The following IPCEF1 variants were observed in gnomAD, a reference collection of about 807,000 sequenced individuals.
The protein encoded by IPCEF1 is interaction protein for cytohesin exchange factors 1, also known as interactor protein for cytohesin exchange factors 1.
Under a neutral mutation model 50.9 loss-of-function variants are expected in IPCEF1, and 31 were observed. The ratio of observed to expected loss-of-function variants is 0.61; its 90% CI spans 0.46 to 0.82. The LOEUF (loss-of-function observed/expected upper bound fraction) is 0.82, where lower values mean the gene tolerates loss of function less well. Among genes scored for constraint, IPCEF1 ranks in the 40% least tolerant of loss-of-function variants. The probability of loss-of-function intolerance (pLI) is 0.00; values close to 1 mark genes in which losing one functional copy is unlikely to be tolerated. For synonymous variants in IPCEF1, 181 were observed against 192.0 expected (o/e 0.94, Z 0.47); for missense variants, 458 against 514.0 (o/e 0.89, Z 1.05).
At chr6:154,180,651 A>G (rs1006204265) in intron 10 of IPCEF1, among the ~76,000 whole-genome samples, 1 of 152,030 alleles carries the variant, frequency 6.6e-6, no homozygotes, top group Non-Finnish European at 1.5e-5. Context: ...TTTAAATGCT[A>G]TATTTTCAAC....
At chr6:154,173,717 G>T (rs988705300) in intron 10 of IPCEF1, among the ~76,000 whole-genome samples, 2 of 152,180 alleles carry the variant, frequency 1.3e-5, no homozygotes, top group Non-Finnish European at 2.9e-5. Context: ...GAAAGTGACG[G>T]GGAGAATGGG....
intron 3 of IPCEF1, among the ~76,000 whole-genome samples, chr6:154,254,391 A>G (rs1227803852): frequency 6.6e-6 from 1 of 152,200 alleles, no homozygotes; most frequent in Non-Finnish European, 1.5e-5. Flanking sequence ...CACGTCTTAC[A>G]TGGCAGCAGG....
intron 1 of IPCEF1, among the ~76,000 whole-genome samples, chr6:154,329,437 A>C (rs999910022): frequency 2.0e-5 from 3 of 152,010 alleles, no homozygotes; most frequent in Admixed American, 1.3e-4. Context: ...CTCTACAAAA[A>C]ATAAAAAAAA....
chr6:154,229,175 A>G (rs540495524), intron 5 of IPCEF1, among the ~76,000 whole-genome samples: 92 of 152,312 alleles, frequency 6.0e-4, no homozygotes, highest in Admixed American at 9.8e-4. Context: ...GATTGTGAGT[A>G]CCTTGAAGGA....
At chr6:154,243,546 C>T (rs1202719701) in intron 5 of IPCEF1, among the ~76,000 whole-genome samples, 2 of 152,190 alleles carry the variant, frequency 1.3e-5, no homozygotes. Flanking sequence ...CAGGCAGTGT[C>T]AGGCAATGAC....
intron 7 of IPCEF1, among the ~76,000 whole-genome samples, chr6:154,219,537 C>T (rs1312377403): frequency 1.3e-5 from 2 of 152,146 alleles, no homozygotes; most frequent in African/African-American, 4.8e-5. Context: ...ACCTCACTAT[C>T]ACAGGGCTCC....
At chr6:154,277,119 A>T (rs1782082573) in intron 2 of IPCEF1, among the ~76,000 whole-genome samples, 1 of 152,200 alleles carries the variant, frequency 6.6e-6, no homozygotes, top group Non-Finnish European at 1.5e-5. Context: ...GAAACTATGA[A>T]GGGCTCACGT....
chr6:154,287,202 G>C (rs186824136), intron 2 of IPCEF1, among the ~76,000 whole-genome samples: 1 of 151,154 alleles, frequency 6.6e-6, no homozygotes, highest in African/African-American at 2.4e-5. Context: ...TCTGCTATGT[G>C]AAGATTGTGC....
chr6:154,290,949 G>A (rs1035601769), intron 1 of IPCEF1, among the ~76,000 whole-genome samples: 1 of 146,678 alleles, frequency 6.8e-6, no homozygotes, highest in Non-Finnish European at 1.5e-5. Context: ...GAATGCAGTG[G>A]CACACACAAT....
At chr6:154,219,481 A>G (rs1169798946) in intron 7 of IPCEF1, among the ~76,000 whole-genome samples, 1 of 152,076 alleles carries the variant, frequency 6.6e-6, no homozygotes, top group Non-Finnish European at 1.5e-5. Flanking sequence ...ACCATTCAAG[A>G]CCAGAAAAGA....
chr6:154,354,996 TCACACACACACACACACA>T (rs56281024), intron 1 of IPCEF1, among the ~76,000 whole-genome samples: 44,974 of 147,346 alleles, frequency 0.31, 7,330 homozygotes, highest in Admixed American at 0.39. Context: ...GGATTTTTCT[TCACACACACACACACACA>T]CACACACACA....
intron 7 of IPCEF1, among the ~76,000 whole-genome samples, chr6:154,219,649 T>A (rs536862709): frequency 6.6e-6 from 1 of 151,908 alleles, no homozygotes; most frequent in African/African-American, 2.4e-5. Context: ...AAAAAAAAAA[T>A]AAGTAAAGAT....
chr6:154,288,676 CAAAAAAAAAAAA>C (rs558703057), intron 2 of IPCEF1, among the ~76,000 whole-genome samples: 177 of 46,938 alleles, frequency 3.8e-3, no homozygotes, highest in African/African-American at 9.7e-3. Flanking sequence ...ACAAAAAAAA[CAAAAAAAAAAAA>C]AAAAAAAAAA....
intron 5 of IPCEF1, among the ~76,000 whole-genome samples, chr6:154,233,707 T>C (rs1296857014): frequency 6.6e-6 from 1 of 152,078 alleles, no homozygotes; most frequent in Non-Finnish European, 1.5e-5. Context: ...AGTAAGGAGA[T>C]CAGTTACTCT....
At chr6:154,338,312 T>G (rs1783831715) in intron 1 of IPCEF1, among the ~76,000 whole-genome samples, 1 of 152,152 alleles carries the variant, frequency 6.6e-6, no homozygotes, top group African/African-American at 2.4e-5. Flanking sequence ...TAGAAGAAAT[T>G]TTGACCTCAT....
rs1035403536 is a variant in IPCEF1 at position 154,346,006 on chromosome 6, C to G, written c.-62+10666G>C. Among the ~76,000 whole-genome samples the G allele has an allele frequency of 1.6e-4, 25 of 152,120 alleles. 1 individual carries two copies. The highest frequency in any genetic ancestry group is 3.2e-3 in the Middle Eastern group (1 of 316). On this transcript the variant is annotated intron_variant, in intron 1 of 11. Transcript: ENST00000367220. Reference sequence around the variant, plus strand: ...TCAGCCTCCCAAGTAGCTGAAACCACAGGCATGTGCCACCGCGCCTGGCTA... The same window carrying G: ...TCAGCCTCCCAAGTAGCTGAAACCAGAGGCATGTGCCACCGCGCCTGGCTA...
At chr6:154,211,459 C>T (rs1777959570) in intron 9 of IPCEF1, among the ~76,000 whole-genome samples, 1 of 150,932 alleles carries the variant, frequency 6.6e-6, no homozygotes, top group Admixed American at 6.6e-5. Flanking sequence ...TAAAGCTAAA[C>T]AGACTGGGAT....
chr6:154,171,992 T>C (rs1055710878), intron 10 of IPCEF1, among the ~76,000 whole-genome samples: 4 of 152,320 alleles, frequency 2.6e-5, no homozygotes, highest in African/African-American at 9.6e-5. Flanking sequence ...AACAAGAGTA[T>C]GACAAAGATA....
At position 154,159,720 on chromosome 6, in the gene IPCEF1, T is replaced by G. The variant is rs1347654532; in HGVS notation, c.*108A>C. Reference sequence around the variant, plus strand: ...GCATCTTTAGATGGGAAGCTGATGCTTGAAGGACTGGGTTTCAGTTTTCCT... The same window carrying G: ...GCATCTTTAGATGGGAAGCTGATGCGTGAAGGACTGGGTTTCAGTTTTCCT... On this transcript the variant is annotated 3_prime_UTR_variant, in exon 12 of 12. Coordinates refer to ENST00000367220, the MANE Select transcript of IPCEF1 (RefSeq NM_001130700.2). 1 of 803,106 alleles carries G rather than the reference T, an allele frequency of 1.2e-6. No individual in the cohort carries two copies. The highest frequency in any genetic ancestry group is 2.0e-6 in the Non-Finnish European group (1 of 492,302). 49.7% of individuals were successfully genotyped at this position (803,106 alleles called of 1,614,324 possible). A position where few individuals can be genotyped will look rare whatever the true frequency, so the allele number is the denominator to read the frequency against.
Sources: gnomAD v4.1 joint callset for allele counts (sites outside exome capture counted in the v4.1 genomes callset) on GRCh38, gnomAD v4.1.1 for gene constraint, MANE v1.5 for transcripts, NCBI Gene and HGNC (gene_info 2026-07-23, HGNC 2026-07-21) for gene names.